Variants in SHCBP1L observed in about 807,000 individuals in gnomAD.
SHCBP1L encodes SHC binding and spindle associated 1 like.
A neutral mutation model predicts 62.5 loss-of-function variants in SHCBP1L; 67 were observed. The ratio of observed to expected loss-of-function variants is 1.07; its 90% CI spans 0.88 to 1.31. SHCBP1L has a LOEUF of 1.31. SHCBP1L is among the 40% of genes most tolerant of loss of function. The probability of loss-of-function intolerance (pLI) is 0.00; values close to 1 mark genes in which losing one functional copy is unlikely to be tolerated. For missense variants in SHCBP1L, 823 were observed against 809.8 expected (o/e 1.02, Z -0.20); for synonymous variants, 284 against 289.4 (o/e 0.98, Z 0.19).
intron 2 of SHCBP1L, among the ~76,000 whole-genome samples, chr1:182,950,208 T>C (rs573363206): frequency 6.6e-6 from 1 of 152,324 alleles, no homozygotes; most frequent in South Asian, 2.1e-4. Flanking sequence ...AAAATACAGA[T>C]TTAAACTAAC....
intron 5 of SHCBP1L, among the ~76,000 whole-genome samples, chr1:182,936,730 A>G (rs1651188250): frequency 6.6e-6 from 1 of 152,098 alleles, no homozygotes; most frequent in Non-Finnish European, 1.5e-5. Flanking sequence ...TATGTTAAAT[A>G]GCTATCTTTT....
chr1:182,940,255 A>G lies in SHCBP1L; in HGVS notation c.770+74T>C, dbSNP rs370141650. ...TAAATCAGTAAGTGCTTGTAAAGCG[A>G]TTATATGAACAAAACCTTCACATTA... On this transcript the variant is annotated intron_variant, in intron 3 of 9. Transcript: ENST00000367547. The G allele has an allele frequency of 6.3e-6, 8 of 1,270,644 alleles. No homozygotes were observed. The East Asian group carries it at 7.0e-5, about 11-fold the overall frequency. 78.7% of individuals were successfully genotyped at this position (1,270,644 alleles called of 1,614,324 possible). A position where few individuals can be genotyped will look rare whatever the true frequency, so the allele number is the denominator to read the frequency against.
At chr1:182,918,702 C>G (rs1044431347) in intron 6 of SHCBP1L, among the ~76,000 whole-genome samples, 6 of 151,984 alleles carry the variant, frequency 3.9e-5, no homozygotes, top group African/African-American at 1.4e-4. Flanking sequence ...AACAGCCAAA[C>G]AATACTGAAA....
intron 9 of SHCBP1L, 101 bp downstream of exon 9, chr1:182,902,935 AATG>A (rs1649887922): frequency 2.5e-6 from 2 of 789,714 alleles, no homozygotes; most frequent in East Asian, 3.0e-5. Context: ...TTTCCAAATC[AATG>A]ATAATATGTA....
chr1:182,941,770 T>G (rs1406159759), intron 2 of SHCBP1L, among the ~76,000 whole-genome samples: 1 of 152,212 alleles, frequency 6.6e-6, no homozygotes, highest in Admixed American at 6.5e-5. Flanking sequence ...GACTCCATAC[T>G]GCCATTTAAT....
intron 6 of SHCBP1L, among the ~76,000 whole-genome samples, chr1:182,918,335 A>G (rs1266345180): frequency 6.6e-6 from 1 of 151,608 alleles, no homozygotes; most frequent in Non-Finnish European, 1.5e-5. Context: ...AAATCAGAAC[A>G]CAAAATCAGT....
rs540870272 is a variant in SHCBP1L at position 182,924,110 on chromosome 1, A to G, written c.1182+5537T>C. On this transcript the variant is annotated intron_variant, in intron 6 of 9. Transcript: ENST00000367547. ...CCAACAATGTCCAAGCTGAAGAACT[A>G]AATCAAGAACACAATCCCATTCACA... 2.5e-4 allele frequency among the ~76,000 whole-genome samples: 38 copies of G among 152,292 alleles called. No homozygotes were observed. The South Asian group carries it at 7.5e-3, about 30-fold the overall frequency.
Position 182,952,892 on chromosome 1 carries a change from G to C in SHCBP1L, c.242C>G (p.Thr81Arg). The C allele has an allele frequency of 6.3e-7, 1 of 1,589,798 alleles. No homozygotes were observed. The highest frequency in any genetic ancestry group is 8.6e-7 in the Non-Finnish European group (1 of 1,169,244). Reference sequence around the variant, plus strand: ...CGCCGCCGCCGCCGCCGCCTCTCCCGTGTCCTCGGCCTGAGCCGCGGGCAG... The same window carrying C: ...CGCCGCCGCCGCCGCCGCCTCTCCCCTGTCCTCGGCCTGAGCCGCGGGCAG... ...QRLPAAQAED[T>R]GEAAAAAAEE... The change falls in exon 1 of 10, where the codon ACG (threonine) becomes AGG (arginine). Residue 81 changes from threonine (T) to arginine (R), a missense_variant. Coordinates refer to ENST00000367547, the MANE Select transcript of SHCBP1L (RefSeq NM_030933.4).
In SHCBP1L at chr1:182,949,873, C is replaced by T. The variant is rs182539551; in HGVS notation, c.555+1445G>A. 4.4e-3 allele frequency among the ~76,000 whole-genome samples: 646 copies of T among 145,182 alleles called. 2 individuals are homozygous for T. Among genetic ancestry groups the T allele is most frequent in the African/African-American group, 0.015 (580 of 38,402 alleles). On this transcript the variant is annotated intron_variant, in intron 2 of 9. Coordinates refer to ENST00000367547, the MANE Select transcript of SHCBP1L (RefSeq NM_030933.4). The stretch of plus-strand genomic sequence containing the variant: ...ATGGGGCCTCACTATGTCACCCAGG[C>T]TCACTGCAACCTCTGCCTCCCAGGC...
intron 5 of SHCBP1L, among the ~76,000 whole-genome samples, chr1:182,930,037 C>T (rs1650908319): frequency 6.6e-6 from 1 of 152,074 alleles, no homozygotes; most frequent in African/African-American, 2.4e-5. Flanking sequence ...CTCAACCTTC[C>T]AATACAGTAG....
chr1:182,909,404 G>C (rs1489339868), intron 6 of SHCBP1L, among the ~76,000 whole-genome samples: 1 of 152,148 alleles, frequency 6.6e-6, no homozygotes, highest in African/African-American at 2.4e-5. Context: ...ACCTAGAACA[G>C]AACACTGAGG....
intron 6 of SHCBP1L, among the ~76,000 whole-genome samples, chr1:182,915,682 TA>T (rs1296280583): frequency 6.6e-6 from 1 of 152,134 alleles, no homozygotes; most frequent in Non-Finnish European, 1.5e-5. Context: ...ATATACCATC[TA>T]TTAGGCCACA....
chr1:182,919,602 C>T (rs930657067), intron 6 of SHCBP1L, among the ~76,000 whole-genome samples: 1 of 152,088 alleles, frequency 6.6e-6, no homozygotes, highest in Admixed American at 6.5e-5. Flanking sequence ...CATCAAGGGA[C>T]ATTATCAAGA....
intron 6 of SHCBP1L, among the ~76,000 whole-genome samples, chr1:182,913,288 T>G (rs1650247199): frequency 6.6e-6 from 1 of 152,198 alleles, no homozygotes; most frequent in Non-Finnish European, 1.5e-5. Context: ...CCTAGACTTG[T>G]GACTGGTGTC....
chr1:182,904,432 TGATTCATAG>T lies in SHCBP1L; in HGVS notation c.1337-11_1337-3del. 6.2e-7 allele frequency: 1 copy of T among 1,613,698 alleles called. No homozygotes were observed. The highest frequency in any genetic ancestry group is 1.3e-5 in the African/African-American group (1 of 75,038). On this transcript the variant is annotated splice_polypyrimidine_tract_variant and splice_region_variant and intron_variant, in intron 7 of 9. Coordinates refer to ENST00000367547, the MANE Select transcript of SHCBP1L (RefSeq NM_030933.4). The stretch of plus-strand genomic sequence containing the variant: ...TAATTTCCTCTCTCTTTCCAACTCC[TGATTCATAG>T]GGATAAAAATACATTAAATCAGTAA...
rs1277731180 is a variant in SHCBP1L at position 182,940,312 on chromosome 1, A to G, written c.770+17T>C. On this transcript the variant is annotated intron_variant, in intron 3 of 9. Coordinates refer to ENST00000367547, the MANE Select transcript of SHCBP1L (RefSeq NM_030933.4). Reference sequence around the variant, plus strand: ...GGATATAATAAATTTAATTTTCAAAAGTAAAGGCCCTAATACCTGACAACT... The same window carrying G: ...GGATATAATAAATTTAATTTTCAAAGGTAAAGGCCCTAATACCTGACAACT... 6.3e-7 allele frequency: 1 copy of G among 1,585,902 alleles called. No homozygotes were observed. Among genetic ancestry groups the G allele is most frequent in the East Asian group, 2.2e-5 (1 of 44,580 alleles).
At chr1:182,937,917 G>A (rs951065582) in intron 5 of SHCBP1L, among the ~76,000 whole-genome samples, 5 of 152,026 alleles carry the variant, frequency 3.3e-5, no homozygotes, top group African/African-American at 1.2e-4. Context: ...TTGCCTTTTA[G>A]CATGCCTTAT....
intron 6 of SHCBP1L, among the ~76,000 whole-genome samples, chr1:182,911,527 C>A (rs1650187680): frequency 6.6e-6 from 1 of 152,016 alleles, no homozygotes; most frequent in Non-Finnish European, 1.5e-5. Flanking sequence ...CTGAGGAAGC[C>A]CAGATAAGAC....
intron 6 of SHCBP1L, among the ~76,000 whole-genome samples, chr1:182,927,034 A>C (rs1650775245): frequency 7.4e-6 from 1 of 134,460 alleles, no homozygotes; most frequent in African/African-American, 2.7e-5. Context: ...TTTAGAGCCC[A>C]TGCTCTTAAC....
Sources: gnomAD v4.1 joint callset for allele counts (sites outside exome capture counted in the v4.1 genomes callset) on GRCh38, gnomAD v4.1.1 for gene constraint, MANE v1.5 for transcripts, NCBI Gene and HGNC (gene_info 2026-07-23, HGNC 2026-07-21) for gene names.